The following CNTNAP2 variants were observed in gnomAD, a reference collection of about 807,000 sequenced individuals.
CNTNAP2 encodes contactin-associated protein-like 2.
Under a neutral mutation model 155.2 loss-of-function variants are expected in CNTNAP2, and 98 were observed. The observed-to-expected ratio is 0.63, with a 90% CI of 0.54 to 0.75. The LOEUF is 0.75. Among genes scored for constraint, CNTNAP2 ranks in the 30% least tolerant of loss-of-function variants. CNTNAP2 has a pLI of 0.00. For synonymous variants in CNTNAP2, 651 were observed against 631.2 expected (o/e 1.03, Z -0.47); for missense variants, 1,727 against 1,688.1 (o/e 1.02, Z -0.40).
At chr7:147,252,447 T>G (rs555078780) in intron 8 of CNTNAP2, among the ~76,000 whole-genome samples, 78 of 152,316 alleles carry the variant, frequency 5.1e-4, no homozygotes, top group African/African-American at 1.9e-3. Flanking sequence ...TCTCAGTTTC[T>G]AGTCTCATCT....
chr7:146,583,907 C>T (rs943729720), intron 1 of CNTNAP2, among the ~76,000 whole-genome samples: 8 of 152,006 alleles, frequency 5.3e-5, no homozygotes, highest in South Asian at 4.1e-4. Context: ...TTTTACATAA[C>T]GATTTGGGAT....
chr7:146,562,527 A>G (rs139452726), intron 1 of CNTNAP2, among the ~76,000 whole-genome samples: 97 of 152,310 alleles, frequency 6.4e-4, no homozygotes, highest in African/African-American at 1.5e-3. Flanking sequence ...ATAAATGCTA[A>G]AATGTTGTAG....
intron 13 of CNTNAP2, among the ~76,000 whole-genome samples, chr7:147,733,548 C>A (rs1482354500): frequency 6.6e-6 from 1 of 152,138 alleles, no homozygotes; most frequent in African/African-American, 2.4e-5. Context: ...TTTTCCAATT[C>A]TGTGAAGAAA....
At chr7:147,955,520 C>A (rs1302590354) in intron 14 of CNTNAP2, among the ~76,000 whole-genome samples, 1 of 152,024 alleles carries the variant, frequency 6.6e-6, no homozygotes, top group Non-Finnish European at 1.5e-5. Flanking sequence ...ATTATTTGGT[C>A]CAATAGTTAA....
At chr7:146,272,650 ATATC>A (rs2129083556) in intron 1 of CNTNAP2, among the ~76,000 whole-genome samples, 1 of 149,186 alleles carries the variant, frequency 6.7e-6, no homozygotes, top group African/African-American at 2.6e-5. Context: ...ATGTGTTTGT[ATATC>A]AGTGTGTGTG....
At chr7:146,564,034 A>G (rs1304865573) in intron 1 of CNTNAP2, among the ~76,000 whole-genome samples, 2 of 152,168 alleles carry the variant, frequency 1.3e-5, no homozygotes, top group African/African-American at 4.8e-5. Context: ...TGTAAATTCT[A>G]CACATCTACC....
Position 147,226,190 on chromosome 7 carries a change from T to A in CNTNAP2, c.1349-73951T>A, listed in dbSNP as rs1180352714. ...GTGTCATTATCCCTTCTTTGCAATG[T>A]TCTTGTTAGAGTTAGAAATAATAGA... is the stretch of plus-strand genomic sequence containing the variant. On this transcript the variant is annotated intron_variant, in intron 8 of 23. Coordinates refer to ENST00000361727, the MANE Select transcript of CNTNAP2 (RefSeq NM_014141.6). Among the ~76,000 whole-genome samples, 15 of 152,188 alleles carry A rather than the reference T, an allele frequency of 9.9e-5. 1 individual carries two copies.
chr7:148,339,086 C>T (rs1230587465), intron 21 of CNTNAP2, among the ~76,000 whole-genome samples: 1 of 152,196 alleles, frequency 6.6e-6, no homozygotes, highest in Non-Finnish European at 1.5e-5. Flanking sequence ...GTAACCCTTT[C>T]CATGCTAATC....
At chr7:147,884,892 T>C (rs17170725) in intron 13 of CNTNAP2, among the ~76,000 whole-genome samples, 6,107 of 143,316 alleles carry the variant, frequency 0.043, 260 homozygotes, top group East Asian at 0.17. Context: ...ACTCTGCCAG[T>C]TTGATGTGTT....
chr7:146,809,935 A>G (rs1803033638), intron 2 of CNTNAP2, among the ~76,000 whole-genome samples: 1 of 152,156 alleles, frequency 6.6e-6, no homozygotes, highest in African/African-American at 2.4e-5. Flanking sequence ...GACCAATGGC[A>G]AGAAGCTTTT....
chr7:147,137,465 A>T (rs1409323125), intron 8 of CNTNAP2, among the ~76,000 whole-genome samples: 1 of 151,704 alleles, frequency 6.6e-6, no homozygotes, highest in Non-Finnish European at 1.5e-5. Flanking sequence ...TCCAATAAAC[A>T]TCAATTGTTC....
At chr7:146,612,240 T>A (rs1799150805) in intron 1 of CNTNAP2, among the ~76,000 whole-genome samples, 1 of 21,232 alleles carries the variant, frequency 4.7e-5, no homozygotes, top group Non-Finnish European at 1.0e-4. Flanking sequence ...ATATTAGTAA[T>A]GTAAAATAGC....
chr7:148,147,404 C>A, intron 16 of CNTNAP2, 87 bp from the exon 17 acceptor site: 2 of 1,307,984 alleles, frequency 1.5e-6, no homozygotes, highest in South Asian at 1.2e-5. Context: ...TTTTTCCTCT[C>A]CCTGCTTTGT....
chr7:147,349,732 A>G (rs1224369389), intron 9 of CNTNAP2, among the ~76,000 whole-genome samples: 1 of 151,964 alleles, frequency 6.6e-6, no homozygotes, highest in Non-Finnish European at 1.5e-5. Flanking sequence ...TTTTAAAACT[A>G]TCTGTGAACA....
chr7:146,394,623 A>G (rs1388934845), intron 1 of CNTNAP2, among the ~76,000 whole-genome samples: 4 of 152,142 alleles, frequency 2.6e-5, no homozygotes, highest in South Asian at 2.1e-4. Flanking sequence ...TTTACTTGCT[A>G]TATTTGTCTT....
chr7:147,641,965 A>C (rs1362907384), intron 13 of CNTNAP2, among the ~76,000 whole-genome samples: 1 of 150,356 alleles, frequency 6.7e-6, no homozygotes, highest in African/African-American at 2.5e-5. Context: ...AACCAGCACA[A>C]CTCTTTTTTC....
At chr7:147,723,047 G>T (rs796858307) in intron 13 of CNTNAP2, among the ~76,000 whole-genome samples, 1 of 151,952 alleles carries the variant, frequency 6.6e-6, no homozygotes, top group South Asian at 2.1e-4. Context: ...CCATTTTGCA[G>T]ATAAAGGAAA....
At chr7:147,813,812 G>T (rs1010413783) in intron 13 of CNTNAP2, among the ~76,000 whole-genome samples, 1 of 152,142 alleles carries the variant, frequency 6.6e-6, no homozygotes, top group Non-Finnish European at 1.5e-5. Flanking sequence ...GCTAGCATTT[G>T]GCCATTCCAT....
At chr7:147,362,009 G>A (rs1437506006) in intron 9 of CNTNAP2, among the ~76,000 whole-genome samples, 2 of 152,146 alleles carry the variant, frequency 1.3e-5, no homozygotes, top group Admixed American at 6.5e-5. Flanking sequence ...GGATGCATTC[G>A]GCTGGAACAG....
Sources: gnomAD v4.1 joint callset for allele counts (sites outside exome capture counted in the v4.1 genomes callset) on GRCh38, gnomAD v4.1.1 for gene constraint, MANE v1.5 for transcripts, NCBI Gene and HGNC (gene_info 2026-07-23, HGNC 2026-07-21) for gene names.